GGACT: variants seen among roughly 807,000 people sequenced by gnomAD.
GGACT encodes gamma-glutamylaminecyclotransferase.
For synonymous variants in GGACT, 118 were observed against 115.3 expected (o/e 1.02, Z -0.15); for missense variants, 241 against 233.2 (o/e 1.03, Z -0.22).
chr13:100,568,838 T>C (rs571724411), intron 2 of GGACT, among the ~76,000 whole-genome samples: 1 of 152,396 alleles, frequency 6.6e-6, no homozygotes, highest in South Asian at 2.1e-4. Flanking sequence ...GGTACAGCCA[T>C]TGGATAAATA....
At chr13:100,546,380 A>G (rs1272708624) in intron 2 of GGACT, among the ~76,000 whole-genome samples, 7 of 151,872 alleles carry the variant, frequency 4.6e-5, no homozygotes, top group East Asian at 1.9e-4. Flanking sequence ...AAAAAAAAAA[A>G]AAAAGAAATA....
At position 100,534,711 on chromosome 13, in the gene GGACT, A is replaced by G. The variant is rs149006759; in HGVS notation, c.-10-2110T>C. 3.5e-3 allele frequency among the ~76,000 whole-genome samples: 524 copies of G among 151,714 alleles called. 1 individual carries two copies. Among genetic ancestry groups the G allele is most frequent in the African/African-American group, 0.012 (509 of 41,336 alleles). On this transcript the variant is annotated intron_variant, in intron 2 of 2. Coordinates refer to ENST00000683975, the MANE Select transcript of GGACT (RefSeq NM_001195087.2). The surrounding 1 kb of genome is among the most constrained non-coding windows in gnomAD (Gnocchi z 4.9). ...CCAGCCCCCAGCGAGACCCATCAGCACTTCCCCTGCCACGTCTCCCAACCT... is the reference window on the plus strand; with the variant it reads ...CCAGCCCCCAGCGAGACCCATCAGCGCTTCCCCTGCCACGTCTCCCAACCT...
At chr13:100,559,477 G>A (rs184331005) in intron 2 of GGACT, among the ~76,000 whole-genome samples, 6 of 148,420 alleles carry the variant, frequency 4.0e-5, no homozygotes, top group East Asian at 2.0e-4. Context: ...GTGAGCCACC[G>A]TGCCCGACCT....
At chr13:100,572,205 C>T (rs979852867) in intron 2 of GGACT, among the ~76,000 whole-genome samples, 9 of 152,118 alleles carry the variant, frequency 5.9e-5, no homozygotes, top group Admixed American at 3.3e-4. Context: ...ATTACAGAGC[C>T]TTGAAAAGAC....
chr13:100,540,281 T>G (rs772144924), intron 2 of GGACT: 14 of 1,110,180 alleles, frequency 1.3e-5, no homozygotes, highest in Non-Finnish European at 1.9e-5. Context: ...AGAGTGGGCT[T>G]TTCTTTTGGG....
chr13:100,532,416 G>T lies in GGACT; in HGVS notation c.176C>A (p.Ser59Ter). 1 of 1,550,050 alleles carries T rather than the reference G, an allele frequency of 6.5e-7. No homozygotes were observed. Among genetic ancestry groups the T allele is most frequent in the South Asian group, 1.2e-5 (1 of 84,060 alleles). The change falls in exon 3 of 3, where the codon TCG becomes TAG. Residue 59 changes from serine to a stop codon, truncating the protein, a stop_gained. Coordinates refer to ENST00000683975, the MANE Select transcript of GGACT (RefSeq NM_001195087.2). LOFTEE classifies it low-confidence loss of function (END_TRUNC). ...NIPWLLHLPG[S>*]GRLVEGEVYA... ...GACCTCGCCCTCCACGAGGCGCCCC[G>T]AGCCGGGCAGGTGCAGCAGCCACGG...
At position 100,532,698 on chromosome 13, in the gene GGACT, C is replaced by G. The variant is rs905724081; in HGVS notation, c.-10-97G>C. On this transcript the variant is annotated intron_variant, in intron 2 of 2. Transcript: ENST00000683975. ...CGGCCCACAGAGCCTCCACTGGGGC[C>G]GCACCACCTGAATGCGCCTGGCTGT... 5 of 934,566 alleles carry G rather than the reference C, an allele frequency of 5.4e-6. No homozygotes were observed. The Admixed American group carries it at 1.4e-4, about 25-fold the overall frequency. 57.9% of individuals were successfully genotyped at this position (934,566 alleles called of 1,614,324 possible). A position where few individuals can be genotyped will look rare whatever the true frequency, so the allele number is the denominator to read the frequency against.
Position 100,545,612 on chromosome 13 carries a change from G to C in GGACT, c.-10-13011C>G, listed in dbSNP as rs1389526372. On this transcript the variant is annotated intron_variant, in intron 2 of 2. Transcript: ENST00000683975. This position sits in a 1 kb window ranked among gnomAD's most constrained non-coding sequence, Gnocchi z 4.4. ...CCTGCCTGGCATGTGCCATGGAACT[G>C]GCACTCAGAAGCTGCCACTATCCTG... Among the ~76,000 whole-genome samples, 1 of 152,270 alleles carries C rather than the reference G, an allele frequency of 6.6e-6. No individual in the cohort carries two copies. Among genetic ancestry groups the C allele is most frequent in the Non-Finnish European group, 1.5e-5 (1 of 68,054 alleles).
At chr13:100,551,470 C>T (rs1040814897) in intron 2 of GGACT, among the ~76,000 whole-genome samples, 7 of 152,190 alleles carry the variant, frequency 4.6e-5, no homozygotes, top group African/African-American at 1.7e-4. Context: ...AACAGACTTC[C>T]CCTCGGCTCC....
chr13:100,565,263 GAC>G (rs762510425), intron 2 of GGACT, among the ~76,000 whole-genome samples: 98 of 152,280 alleles, frequency 6.4e-4, no homozygotes, highest in Non-Finnish European at 1.3e-3. Flanking sequence ...CAAAAGGAAA[GAC>G]ACAATCCTTT....
At position 100,531,505 on chromosome 13, in the gene GGACT, A is replaced by G. The variant is rs955119467; in HGVS notation, c.*625T>C. ...GAATGTAAAGAACCTTCTACCAAAT[A>G]AGTATACCAAAAAACGTGGGGGTCA... is the stretch of plus-strand genomic sequence containing the variant. On this transcript the variant is annotated 3_prime_UTR_variant, in exon 3 of 3. Coordinates refer to ENST00000683975, the MANE Select transcript of GGACT (RefSeq NM_001195087.2). The G allele has an allele frequency of 6.6e-6, 1 of 152,244 alleles. No individual in the cohort carries two copies. Among genetic ancestry groups the G allele is most frequent in the African/African-American group, 2.4e-5 (1 of 41,458 alleles). 9.4% of individuals were successfully genotyped at this position (152,244 alleles called of 1,614,324 possible).
chr13:100,541,809 A>T (rs2088557311), intron 2 of GGACT: 1 of 152,246 alleles, frequency 6.6e-6, no homozygotes, highest in Non-Finnish European at 1.5e-5. Context: ...AAACCAGGCA[A>T]TAAAAGTTAA....
chr13:100,544,956 G>A (rs1246291452), intron 2 of GGACT, among the ~76,000 whole-genome samples: 2 of 152,238 alleles, frequency 1.3e-5, no homozygotes, highest in East Asian at 1.9e-4. Context: ...TTCCAGGCAC[G>A]GCAGCAGGAG....
At chr13:100,563,575 G>T (rs2088784258) in intron 2 of GGACT, among the ~76,000 whole-genome samples, 1 of 152,178 alleles carries the variant, frequency 6.6e-6, no homozygotes, top group Non-Finnish European at 1.5e-5. Context: ...TGGCTACTCG[G>T]GAGGCCAAGG....
intron 2 of GGACT, among the ~76,000 whole-genome samples, chr13:100,535,108 G>T (rs907444025): frequency 6.6e-6 from 1 of 152,192 alleles, no homozygotes; most frequent in Non-Finnish European, 1.5e-5. Context: ...GGCTGGTGGC[G>T]ATCTAGGACC....
chr13:100,535,424 C>CT (rs1361209205), intron 2 of GGACT, among the ~76,000 whole-genome samples: 22 of 152,346 alleles, frequency 1.4e-4, no homozygotes, highest in Non-Finnish European at 2.5e-4. Context: ...AAAGCACAGA[C>CT]TTTAACTGTG....
chr13:100,551,429 T>C (rs1439642830), intron 2 of GGACT, among the ~76,000 whole-genome samples: 4 of 152,314 alleles, frequency 2.6e-5, no homozygotes, highest in Admixed American at 2.6e-4. Context: ...AGGAGGCCAC[T>C]AGCCTCTTCC....
At chr13:100,560,695 G>A (rs576317408) in intron 2 of GGACT, among the ~76,000 whole-genome samples, 13 of 152,228 alleles carry the variant, frequency 8.5e-5, no homozygotes, top group Non-Finnish European at 1.2e-4. Context: ...AGCTCCACGC[G>A]ATCCCTTTAG....
rs1297025138 is a variant in GGACT, at chr13:100,530,407, A to AAATC, written c.*1719_*1722dup. On this transcript the variant is annotated 3_prime_UTR_variant, in exon 3 of 3. Coordinates refer to ENST00000683975, the MANE Select transcript of GGACT (RefSeq NM_001195087.2). Reference sequence around the variant, plus strand: ...TGTGAGATTCCCTAGTGTCAAAATTAAATCAATAAAACTGAGCATTTGTCT... The same window carrying AAATC: ...TGTGAGATTCCCTAGTGTCAAAATTAAATCAATCAATAAAACTGAGCATTTGTCT... The AAATC allele has an allele frequency of 8.5e-6, 5 of 589,514 alleles. No individual in the cohort carries two copies. The highest frequency in any genetic ancestry group is 3.7e-5 in the African/African-American group (2 of 53,480). The allele number at this position is 589,514 out of a possible 1,614,324, so 36.5% of individuals were successfully genotyped here.
Sources: gnomAD v4.1 joint callset for allele counts (sites outside exome capture counted in the v4.1 genomes callset) on GRCh38, gnomAD v4.1.1 for gene constraint, Gnocchi (gnomAD v3.1) non-coding constraint, MANE v1.5 for transcripts, NCBI Gene and HGNC (gene_info 2026-07-23, HGNC 2026-07-21) for gene names.